The following NSRP1 variants were observed in gnomAD, a reference collection of about 807,000 sequenced individuals.
The protein encoded by NSRP1 is nuclear speckle splicing regulatory protein 1, also known as coiled-coil domain containing 55.
Under a neutral mutation model 54.7 loss-of-function variants are expected in NSRP1, and 24 were observed. The ratio of observed to expected loss-of-function variants is 0.44; its 90% CI spans 0.32 to 0.62. The LOEUF (loss-of-function observed/expected upper bound fraction) is 0.62. NSRP1 is among the 20% of genes least tolerant of loss of function. NSRP1 has a pLI of 0.06. For synonymous variants in NSRP1, 210 were observed against 213.8 expected, an observed-to-expected ratio of 0.98 and a Z score of 0.15; for missense variants, 596 against 651.2, an observed-to-expected ratio of 0.92 and a Z score of 0.92.
chr17:30,124,999 G>T (rs911406635), intron 2 of NSRP1, among the ~76,000 whole-genome samples: 2 of 152,128 alleles, frequency 1.3e-5, no homozygotes, highest in Non-Finnish European at 2.9e-5. Context: ...AGTAGTTCAA[G>T]ACCAGCCTGG....
chr17:30,177,707 A>G (rs1423666990), intron 3 of NSRP1, among the ~76,000 whole-genome samples: 1 of 152,204 alleles, frequency 6.6e-6, no homozygotes, highest in Non-Finnish European at 1.5e-5. Flanking sequence ...ATACAAATGA[A>G]TAAATGATAA....
chr17:30,164,077 C>T (rs1904642573), intron 2 of NSRP1, among the ~76,000 whole-genome samples: 1 of 152,026 alleles, frequency 6.6e-6, no homozygotes, highest in African/African-American at 2.4e-5. Context: ...GTAAAATAGA[C>T]CAGTCACTTT....
At chr17:30,124,967 G>A (rs537474755) in intron 2 of NSRP1, among the ~76,000 whole-genome samples, 3 of 152,316 alleles carry the variant, frequency 2.0e-5, no homozygotes, top group Admixed American at 2.0e-4. Flanking sequence ...GGGAGGCTGA[G>A]GTGGGCAGAT....
intron 2 of NSRP1, among the ~76,000 whole-genome samples, chr17:30,141,581 G>T (rs1353362928): frequency 6.6e-6 from 1 of 152,096 alleles, no homozygotes. Context: ...TGTTTGAAAT[G>T]AATGTTTTCC....
At chr17:30,138,897 T>A (rs1478091613) in intron 2 of NSRP1, among the ~76,000 whole-genome samples, 2 of 140,698 alleles carry the variant, frequency 1.4e-5, no homozygotes, top group East Asian at 4.7e-4. Flanking sequence ...AAGTGGTATC[T>A]CAAGTCTTAG....
chr17:30,162,671 A>G, intron 2 of NSRP1, among the ~76,000 whole-genome samples: 1 of 152,328 alleles, frequency 6.6e-6, no homozygotes, highest in South Asian at 2.1e-4. Context: ...AGAAGCTCAT[A>G]TGTCCCATTG....
At chr17:30,138,980 C>T (rs1232509120) in intron 2 of NSRP1, among the ~76,000 whole-genome samples, 3 of 132,630 alleles carry the variant, frequency 2.3e-5, no homozygotes, top group African/African-American at 5.4e-5. Flanking sequence ...TGCAGTGGCC[C>T]GATCTTGGCT....
chr17:30,127,744 C>G, intron 2 of NSRP1: 1 of 349,932 alleles, frequency 2.9e-6, no homozygotes, highest in East Asian at 4.1e-5. Context: ...AGAGACAAAA[C>G]TTTTTAACCA....
At chr17:30,154,035 G>A (rs2071938122) in intron 2 of NSRP1, among the ~76,000 whole-genome samples, 1 of 152,302 alleles carries the variant, frequency 6.6e-6, no homozygotes, top group African/African-American at 2.4e-5. Flanking sequence ...ATTAGGGCCA[G>A]GTGTGGTGGC....
At chr17:30,121,690 C>G (rs996686300) in intron 2 of NSRP1, among the ~76,000 whole-genome samples, 1 of 151,660 alleles carries the variant, frequency 6.6e-6, no homozygotes, top group Non-Finnish European at 1.5e-5. Flanking sequence ...CTGCCTCAGC[C>G]TCCTGAGTAG....
intron 2 of NSRP1, chr17:30,156,593 C>T (rs1278793991): frequency 6.6e-6 from 1 of 151,830 alleles, no homozygotes; most frequent in Non-Finnish European, 1.5e-5. Context: ...AATCTCGGCT[C>T]ACCGCAACCT....
At chr17:30,160,033 C>CT (rs1472891558) in intron 2 of NSRP1, among the ~76,000 whole-genome samples, 1 of 152,040 alleles carries the variant, frequency 6.6e-6, no homozygotes, top group Admixed American at 6.6e-5. Flanking sequence ...TTATTGAATG[C>CT]TTTTTCTGCC....
chr17:30,165,183 A>G (rs904281616), intron 2 of NSRP1, among the ~76,000 whole-genome samples: 1 of 152,198 alleles, frequency 6.6e-6, no homozygotes, highest in Non-Finnish European at 1.5e-5. Context: ...AGGAGGAAGG[A>G]TGAGTATGGC....
intron 3 of NSRP1, among the ~76,000 whole-genome samples, chr17:30,176,085 GTT>G (rs968687328): frequency 1.4e-5 from 2 of 142,054 alleles, no homozygotes; most frequent in East Asian, 4.4e-4. Context: ...TATTCATACT[GTT>G]TTTTTTTGTT....
At chr17:30,124,919 C>A (rs570095474) in intron 2 of NSRP1, among the ~76,000 whole-genome samples, 1 of 152,100 alleles carries the variant, frequency 6.6e-6, no homozygotes, top group East Asian at 1.9e-4. Context: ...TGAGATTTGG[C>A]CAGTCATGGT....
intron 2 of NSRP1, among the ~76,000 whole-genome samples, chr17:30,137,544 G>A (rs941596840): frequency 2.0e-5 from 3 of 152,226 alleles, no homozygotes; most frequent in Admixed American, 6.5e-5. Context: ...AGCCACAGCC[G>A]TCCACAATGG....
intron 5 of NSRP1, among the ~76,000 whole-genome samples, chr17:30,180,213 G>GCCAAGA (rs1905249896): frequency 6.6e-6 from 1 of 152,162 alleles, no homozygotes; most frequent in African/African-American, 2.4e-5. Context: ...CTGGAGTGCA[G>GCCAAGA]TCGTATGATC....
At chr17:30,167,717 A>G (rs887585054) in intron 2 of NSRP1, among the ~76,000 whole-genome samples, 1 of 152,174 alleles carries the variant, frequency 6.6e-6, no homozygotes, top group South Asian at 2.1e-4. Context: ...ATATTTTCCC[A>G]TTCATGATAT....
intron 2 of NSRP1, among the ~76,000 whole-genome samples, chr17:30,125,286 A>T (rs1253999937): frequency 6.6e-6 from 1 of 152,250 alleles, no homozygotes; most frequent in Non-Finnish European, 1.5e-5. Flanking sequence ...CAATTAAATT[A>T]TTAGTGCTGT....
Sources: gnomAD v4.1 joint callset for allele counts (sites outside exome capture counted in the v4.1 genomes callset) on GRCh38, gnomAD v4.1.1 for gene constraint, MANE v1.5 for transcripts, NCBI Gene and HGNC (gene_info 2026-07-23, HGNC 2026-07-21) for gene names.